The following ARHGAP10 variants were observed in gnomAD, a reference collection of about 807,000 sequenced individuals.
ARHGAP10 encodes Rho GTPase activating protein 10, also known as rho GTPase-activating protein 10.
A neutral mutation model predicts 108.6 loss-of-function variants in ARHGAP10; 87 were observed. The ratio of observed to expected loss-of-function variants is 0.80; its 90% confidence interval spans 0.67 to 0.96. The LOEUF (loss-of-function observed/expected upper bound fraction) is 0.96, where lower values mean the gene tolerates loss of function less well. Among genes scored for constraint, ARHGAP10 ranks in the 40% least tolerant of loss-of-function variants. The pLI is 0.00. For synonymous variants in ARHGAP10, 347 were observed against 341.1 expected (o/e 1.02, Z -0.19); for missense variants, 939 against 954.5 (o/e 0.98, Z 0.21).
At chr4:147,752,990 T>C (rs1729224579) in intron 1 of ARHGAP10, among the ~76,000 whole-genome samples, 1 of 152,238 alleles carries the variant, frequency 6.6e-6, no homozygotes, top group Admixed American at 6.5e-5. Context: ...TAATCTGAAG[T>C]AAATTTTCTC....
chr4:147,797,260 A>G (rs1394528168), intron 1 of ARHGAP10, among the ~76,000 whole-genome samples: 3 of 151,236 alleles, frequency 2.0e-5, no homozygotes, highest in East Asian at 1.9e-4. Context: ...ATGACTCCTT[A>G]TTACCCTCCA....
intron 3 of ARHGAP10, among the ~76,000 whole-genome samples, chr4:147,842,814 C>T (rs1194770566): frequency 6.6e-6 from 1 of 152,138 alleles, no homozygotes; most frequent in Non-Finnish European, 1.5e-5. Flanking sequence ...GAAACACTCG[C>T]CTGGGATGAA....
chr4:147,849,881 T>C (rs1733788677), intron 4 of ARHGAP10, among the ~76,000 whole-genome samples: 1 of 152,234 alleles, frequency 6.6e-6, no homozygotes, highest in Non-Finnish European at 1.5e-5. Flanking sequence ...TTTTCTTATG[T>C]GCTTGCTAGG....
chr4:147,739,644 C>T (rs1014949468), intron 1 of ARHGAP10, among the ~76,000 whole-genome samples: 1 of 152,020 alleles, frequency 6.6e-6, no homozygotes, highest in Non-Finnish European at 1.5e-5. Context: ...CTGTTCTCTA[C>T]AGTGGAATAC....
chr4:147,931,656 G>T (rs1394269161), intron 13 of ARHGAP10, among the ~76,000 whole-genome samples: 1 of 152,146 alleles, frequency 6.6e-6, no homozygotes, highest in African/African-American at 2.4e-5. Flanking sequence ...GAGAGAAGGT[G>T]GAATACAGGT....
chr4:147,800,997 C>T (rs1015129348), intron 1 of ARHGAP10, among the ~76,000 whole-genome samples: 2 of 152,216 alleles, frequency 1.3e-5, no homozygotes, highest in Middle Eastern at 3.4e-3. Flanking sequence ...GTAGAGACAG[C>T]GTTTCGCCAT....
intron 1 of ARHGAP10, among the ~76,000 whole-genome samples, chr4:147,742,799 C>T: frequency 6.6e-6 from 1 of 151,644 alleles, no homozygotes; most frequent in Non-Finnish European, 1.5e-5. Flanking sequence ...TTTTTTTCTT[C>T]CAATCTAATC....
At chr4:147,780,272 G>A (rs1730477848) in intron 1 of ARHGAP10, among the ~76,000 whole-genome samples, 1 of 152,098 alleles carries the variant, frequency 6.6e-6, no homozygotes, top group Non-Finnish European at 1.5e-5. Context: ...GATCAGGGCC[G>A]AGGCTCAGCA....
chr4:148,045,595 G>T lies in ARHGAP10; in HGVS notation c.1868-1297G>T, dbSNP rs143600360. On this transcript the variant is annotated intron_variant, in intron 19 of 22. Transcript: ENST00000336498. ...CGCTACTAAAAATACAAAATTAGCC[G>T]GGCGTGGTGGTGCATGCCTGTAATC... Among the ~76,000 whole-genome samples the T allele has an allele frequency of 9.3e-3, 1,412 of 152,006 alleles. 19 individuals are homozygous for T. Among genetic ancestry groups the T allele is most frequent in the African/African-American group, 0.032 (1,311 of 41,478 alleles).
intron 1 of ARHGAP10, among the ~76,000 whole-genome samples, chr4:147,735,192 TAG>T (rs1223146391): frequency 1.3e-5 from 2 of 152,170 alleles, no homozygotes; most frequent in Non-Finnish European, 2.9e-5. Context: ...TATAATGGGG[TAG>T]AGGCCCTTGC....
At chr4:147,796,246 G>C (rs1460739856) in intron 1 of ARHGAP10, among the ~76,000 whole-genome samples, 1 of 152,144 alleles carries the variant, frequency 6.6e-6, no homozygotes, top group Admixed American at 6.5e-5. Context: ...CCATGCAATA[G>C]GGATAGAAAG....
chr4:148,008,751 C>A (rs1381183298), intron 18 of ARHGAP10, among the ~76,000 whole-genome samples: 1 of 152,028 alleles, frequency 6.6e-6, no homozygotes, highest in Non-Finnish European at 1.5e-5. Context: ...TTTCAGGGTT[C>A]TGTGAGGTGA....
At chr4:148,019,433 A>T (rs1420722136) in intron 18 of ARHGAP10, among the ~76,000 whole-genome samples, 5 of 152,180 alleles carry the variant, frequency 3.3e-5, no homozygotes, top group Admixed American at 2.6e-4. Flanking sequence ...CACATGAGAA[A>T]ATGAGATACA....
intron 10 of ARHGAP10, among the ~76,000 whole-genome samples, chr4:147,898,960 ATCCCTT>A (rs1355564524): frequency 6.6e-6 from 1 of 152,138 alleles, no homozygotes; most frequent in African/African-American, 2.4e-5. Flanking sequence ...CTTACACCAG[ATCCCTT>A]TCTCGACATG....
At chr4:147,913,689 C>T (rs1438222229) in intron 13 of ARHGAP10, among the ~76,000 whole-genome samples, 1 of 152,126 alleles carries the variant, frequency 6.6e-6, no homozygotes. Flanking sequence ...CAGTCACATT[C>T]TGAGAAACTG....
At chr4:147,823,203 A>G (rs959180587) in intron 3 of ARHGAP10, among the ~76,000 whole-genome samples, 1 of 152,250 alleles carries the variant, frequency 6.6e-6, no homozygotes, top group Non-Finnish European at 1.5e-5. Context: ...TAAAGTGGAC[A>G]GTAGGACTAC....
chr4:147,857,196 G>A (rs1011392825), intron 4 of ARHGAP10, among the ~76,000 whole-genome samples: 1 of 152,176 alleles, frequency 6.6e-6, no homozygotes, highest in Non-Finnish European at 1.5e-5. Context: ...TCTGGAGCAA[G>A]TTTGCTTTTT....
At chr4:147,887,087 C>G (rs2126880196) in intron 10 of ARHGAP10, among the ~76,000 whole-genome samples, 1 of 152,256 alleles carries the variant, frequency 6.6e-6, no homozygotes, top group South Asian at 2.1e-4. Flanking sequence ...GCTGTATACT[C>G]CCAGTTGAAT....
intron 8 of ARHGAP10, 93 bp from the exon 9 acceptor site, chr4:147,879,139 G>T: frequency 1.0e-6 from 1 of 976,092 alleles, no homozygotes; most frequent in Admixed American, 2.3e-5. Context: ...TCGTTGCTGC[G>T]TTTTAGACAT....
Sources: gnomAD v4.1 joint callset for allele counts (sites outside exome capture counted in the v4.1 genomes callset) on GRCh38, gnomAD v4.1.1 for gene constraint, MANE v1.5 for transcripts, NCBI Gene and HGNC (gene_info 2026-07-23, HGNC 2026-07-21) for gene names.